RIMS2: variants seen among roughly 807,000 people sequenced by gnomAD.
The protein encoded by RIMS2 is regulating synaptic membrane exocytosis 2.
In RIMS2, 59 loss-of-function variants were observed where a neutral mutation model predicts 174.4. The ratio of observed to expected loss-of-function variants is 0.34; its 90% CI spans 0.27 to 0.42. The LOEUF (loss-of-function observed/expected upper bound fraction) is 0.42. Ranked by LOEUF, RIMS2 falls within the 10% of genes least tolerant of loss-of-function variation. The probability of loss-of-function intolerance (pLI) is 1.00; values close to 1 mark genes in which losing one functional copy is unlikely to be tolerated. For synonymous variants in RIMS2, 606 were observed against 572.5 expected (o/e 1.06, Z -0.84); for missense variants, 1,620 against 1,666.3 (o/e 0.97, Z 0.48).
intron 2 of RIMS2, among the ~76,000 whole-genome samples, chr8:103,711,598 T>C (rs2097304454): frequency 6.6e-6 from 1 of 152,104 alleles, no homozygotes; most frequent in Non-Finnish European, 1.5e-5. Flanking sequence ...CTCCAAGATT[T>C]GATGAAAATA....
intron 1 of RIMS2, among the ~76,000 whole-genome samples, chr8:103,618,466 G>C (rs2095556730): frequency 6.6e-6 from 1 of 152,134 alleles, no homozygotes; most frequent in African/African-American, 2.4e-5. Flanking sequence ...AAAGACACTA[G>C]AGTAGGGACA....
intron 19 of RIMS2, among the ~76,000 whole-genome samples, chr8:104,107,441 C>A (rs1203606517): frequency 6.6e-6 from 1 of 151,990 alleles, no homozygotes; most frequent in Admixed American, 6.6e-5. Flanking sequence ...TCATTTTTAT[C>A]TTTTTATTTT....
At chr8:103,524,894 G>A (rs1251751321) in intron 1 of RIMS2, among the ~76,000 whole-genome samples, 1 of 152,198 alleles carries the variant, frequency 6.6e-6, no homozygotes, top group African/African-American at 2.4e-5. Flanking sequence ...TACTGATGCT[G>A]CTCCTGCAGG....
chr8:104,233,709 A>G (rs907764180), intron 19 of RIMS2, among the ~76,000 whole-genome samples: 1 of 152,192 alleles, frequency 6.6e-6, no homozygotes, highest in Non-Finnish European at 1.5e-5. Context: ...GAATTTTGTA[A>G]GGTAAGCTAG....
intron 1 of RIMS2, among the ~76,000 whole-genome samples, chr8:103,507,257 C>T (rs1824128971): frequency 6.6e-6 from 1 of 152,008 alleles, no homozygotes; most frequent in South Asian, 2.1e-4. Flanking sequence ...TAGATTCTCT[C>T]CATTATTCTT....
rs140430138 is a variant in RIMS2 at position 103,562,790 on chromosome 8, C to T, written c.176+61728C>T. Among the ~76,000 whole-genome samples, 640 of 152,314 alleles carry T rather than the reference C, an allele frequency of 4.2e-3. 4 individuals carry two copies. The highest frequency in any genetic ancestry group is 0.015 in the African/African-American group (609 of 41,568). On this transcript the variant is annotated intron_variant, in intron 1 of 23. Coordinates refer to ENST00000504942, the Ensembl canonical transcript of RIMS2. ...AGGGCCCCGTCCCTGCAGCAAACTT[C>T]TGCCTGGGTACTCAGGCATTTCCAT...
chr8:104,038,673 A>C (rs2096559303), intron 19 of RIMS2, among the ~76,000 whole-genome samples: 1 of 151,916 alleles, frequency 6.6e-6, no homozygotes. Context: ...AAATACTTAC[A>C]GCATATTATC....
intron 19 of RIMS2, among the ~76,000 whole-genome samples, chr8:104,133,648 T>C (rs1162744647): frequency 6.6e-6 from 1 of 152,108 alleles, no homozygotes; most frequent in Admixed American, 6.6e-5. Context: ...AACATAAGCA[T>C]GTAGGATGCT....
chr8:104,251,859 C>CAAAAA (rs34085789), downstream of RIMS2: 68 of 709,676 alleles, frequency 9.6e-5, no homozygotes, highest in East Asian at 4.3e-4. Context: ...ACCAGCGTTA[C>CAAAAA]AAAAAAAAAA....
chr8:104,073,028 T>C (rs1286791799), intron 19 of RIMS2, among the ~76,000 whole-genome samples: 3 of 152,190 alleles, frequency 2.0e-5, no homozygotes, highest in Non-Finnish European at 2.9e-5. Context: ...GTGATTCATC[T>C]ATTCTTAGCA....
At chr8:103,612,504 C>T (rs1382960537) in intron 1 of RIMS2, among the ~76,000 whole-genome samples, 1 of 152,190 alleles carries the variant, frequency 6.6e-6, no homozygotes, top group Non-Finnish European at 1.5e-5. Flanking sequence ...CAGACTCATA[C>T]AGGTACCACT....
At position 103,751,905 on chromosome 8, in the gene RIMS2, C is replaced by A. The variant is rs570728504; in HGVS notation, c.388-14322C>A. ...TCTCCCATTTTGTAGGTTGCCTGTT[C>A]ACTCTGATGGTAGTTTCTTTTGCTG... On this transcript the variant is annotated intron_variant, in intron 2 of 23. Transcript: ENST00000504942. 4.3e-4 allele frequency among the ~76,000 whole-genome samples: 65 copies of A among 151,918 alleles called. 3 individuals are homozygous for A. Among genetic ancestry groups the A allele is most frequent in the African/African-American group, 1.5e-3 (61 of 41,258 alleles).
chr8:103,591,766 C>T (rs1195356795), intron 1 of RIMS2, among the ~76,000 whole-genome samples: 1 of 150,898 alleles, frequency 6.6e-6, no homozygotes, highest in African/African-American at 2.4e-5. Context: ...TTTATTAATC[C>T]TTATGTCAGT....
chr8:103,687,570 A>ATAT (rs1342571551), intron 1 of RIMS2, among the ~76,000 whole-genome samples: 1 of 152,070 alleles, frequency 6.6e-6, no homozygotes, highest in Non-Finnish European at 1.5e-5. Context: ...AAAATACAAT[A>ATAT]TATTGTTATT....
At chr8:103,765,420 T>A (rs540850052) in intron 2 of RIMS2, among the ~76,000 whole-genome samples, 1 of 152,284 alleles carries the variant, frequency 6.6e-6, no homozygotes, top group African/African-American at 2.4e-5. Flanking sequence ...AGTTTCAATC[T>A]TGCAGGAAAA....
intron 1 of RIMS2, among the ~76,000 whole-genome samples, chr8:103,578,139 A>C (rs144013914): frequency 6.6e-6 from 1 of 152,366 alleles, no homozygotes; most frequent in African/African-American, 2.4e-5. Context: ...AACACCAAAC[A>C]GATTAGACCC....
At chr8:104,049,669 T>C (rs1395034001) in intron 19 of RIMS2, among the ~76,000 whole-genome samples, 1 of 152,080 alleles carries the variant, frequency 6.6e-6, no homozygotes, top group Non-Finnish European at 1.5e-5. Flanking sequence ...TGCATGTGTG[T>C]ATACTTTCAA....
chr8:103,507,361 T>C (rs907071884), intron 1 of RIMS2, among the ~76,000 whole-genome samples: 19 of 152,148 alleles, frequency 1.2e-4, no homozygotes, highest in Non-Finnish European at 2.8e-4. Flanking sequence ...TGCTAGATTA[T>C]CAACTCAAAG....
Position 104,144,418 on chromosome 8 carries a change from C to T in RIMS2, c.3335-100498C>T, listed in dbSNP as rs1008864370. Among the ~76,000 whole-genome samples the T allele has an allele frequency of 2.0e-5, 3 of 152,072 alleles. No individual in the cohort carries two copies. The East Asian group carries it at 5.8e-4, about 29-fold the overall frequency. On this transcript the variant is annotated intron_variant, in intron 19 of 23. Transcript: ENST00000504942. ...GATTAGCTAGAAATCCATACTGTAC[C>T]TTTAACCCATGACAAGAACTAATGT... is the stretch of plus-strand genomic sequence containing the variant.
Sources: allele counts gnomAD v4.1 joint callset (sites outside exome capture counted in the v4.1 genomes callset), GRCh38; gene constraint gnomAD v4.1.1; transcripts MANE v1.5; gene names NCBI Gene and HGNC (gene_info 2026-07-23, HGNC 2026-07-21).